The following LAMB2 variants were observed in gnomAD, a reference collection of about 807,000 sequenced individuals.
LAMB2 encodes the protein laminin subunit beta 2.
A neutral mutation model predicts 202.7 loss-of-function variants in LAMB2; 119 were observed. The observed-to-expected ratio is 0.59, with a 90% CI of 0.51 to 0.68. The LOEUF is 0.68. Ranked by LOEUF, LAMB2 falls within the 30% of genes least tolerant of loss-of-function variation. The probability of loss-of-function intolerance (pLI) is 0.00; values close to 1 mark genes in which losing one functional copy is unlikely to be tolerated. For synonymous variants in LAMB2, 818 were observed against 902.2 expected (o/e 0.91, Z 1.67); for missense variants, 2,124 against 2,410.6 (o/e 0.88, Z 2.49).
In LAMB2 at chr3:49,121,137, G is replaced by A; in HGVS notation, c.*89C>T. The A allele has an allele frequency of 6.7e-7, 1 of 1,494,992 alleles. No individual in the cohort carries two copies. Among genetic ancestry groups the A allele is most frequent in the Non-Finnish European group, 9.2e-7 (1 of 1,085,776 alleles). The allele number at this position is 1,494,992 out of a possible 1,614,324, so 92.6% of individuals were successfully genotyped here. ...AGTGGGGGTTCACACTGGTTTATTGGGGGCCCTGCCGGGCCAAGAGCTCTT... is the reference window on the plus strand; with the variant it reads ...AGTGGGGGTTCACACTGGTTTATTGAGGGCCCTGCCGGGCCAAGAGCTCTT... On this transcript the variant is annotated 3_prime_UTR_variant, in exon 32 of 32. Transcript: ENST00000305544.
At position 49,121,422 on chromosome 3, in the gene LAMB2, C is replaced by T. The variant is rs754398949; in HGVS notation, c.5260+11G>A. On this transcript the variant is annotated intron_variant, in intron 31 of 31. Coordinates refer to ENST00000305544, the MANE Select transcript of LAMB2 (RefSeq NM_002292.4). ...CCCGCAGTCTTGTGTCTCTGGTGCC[C>T]CATTTCTTACCCTGTAGCCGCTGCA... is the stretch of plus-strand genomic sequence containing the variant. 17 of 1,614,042 alleles carry T rather than the reference C, an allele frequency of 1.1e-5. No homozygotes were observed. The highest frequency in any genetic ancestry group is 1.4e-5 in the Non-Finnish European group (17 of 1,180,020).
In LAMB2 at chr3:49,130,425, A is replaced by G; in HGVS notation, c.1037-6T>C. 1 of 1,613,912 alleles carries G rather than the reference A, an allele frequency of 6.2e-7. No individual in the cohort carries two copies. Among genetic ancestry groups the G allele is most frequent in the Non-Finnish European group, 8.5e-7 (1 of 1,180,014 alleles). On this transcript the variant is annotated splice_region_variant and splice_polypyrimidine_tract_variant and intron_variant, in intron 8 of 31. Transcript: ENST00000305544. This position sits in a 1 kb window ranked among gnomAD's most constrained non-coding sequence, Gnocchi z 5.0. ...GTGCCCATGGCACTCACACTCTGGC[A>G]GGGGAGGAAGGGCAGGGCAAAGGCC...
At chr3:49,128,967 T>A in intron 13 of LAMB2, 53 bp downstream of exon 13, 1 of 1,603,170 alleles carries the variant, frequency 6.2e-7, no homozygotes. Context: ...ACCTCTCCAG[T>A]CATAGACGTG....
Position 49,132,969 on chromosome 3 carries a change from C to T in LAMB2, c.-102G>A. 2 of 1,032,598 alleles carry T rather than the reference C, an allele frequency of 1.9e-6. No homozygotes were observed. The highest frequency in any genetic ancestry group is 3.0e-6 in the Non-Finnish European group (2 of 664,758). 64.0% of individuals were successfully genotyped at this position (1,032,598 alleles called of 1,614,324 possible). The stretch of plus-strand genomic sequence containing the variant: ...GTCAACTCTGCCTGTGGGTCTTTGG[C>T]CTGTTTCCCTCCAGGCCCTCTGTCA... On this transcript the variant is annotated 5_prime_UTR_variant, in exon 1 of 32. Transcript: ENST00000305544. This position sits in a 1 kb window ranked among gnomAD's most constrained non-coding sequence, Gnocchi z 4.6.
rs112239102 is a variant in LAMB2 at position 49,128,784 on chromosome 3, C to T, written c.1767G>A (p.Gly589=). The T allele has an allele frequency of 6.2e-7, 1 of 1,613,890 alleles. No homozygotes were observed. The highest frequency in any genetic ancestry group is 8.5e-7 in the Non-Finnish European group (1 of 1,179,830). Residue 589 remains glycine, a synonymous_variant, in exon 14 of 32, where the codon GGG becomes GGA. Coordinates refer to ENST00000305544, the MANE Select transcript of LAMB2 (RefSeq NM_002292.4). ...CTGAGCCAGTCCAGGATGGAGTTTC[C>T]CCGGGGGTCACCAGGCGCTCCACCA... ...LDVVERLVTP[G]ETPSWTGSGF...
At chr3:49,125,913 A>G (rs202047617) in intron 17 of LAMB2, 23 bp from the exon 18 acceptor site, 161 of 1,613,966 alleles carry the variant, frequency 1.0e-4, no homozygotes, top group Non-Finnish European at 2.8e-5. Context: ...GGGTTGGGCC[A>G]AGTCAGGCTG....
Position 49,131,327 on chromosome 3 carries a change from T to G in LAMB2, c.712+52A>C. The G allele has an allele frequency of 1.9e-6, 3 of 1,591,172 alleles. No individual in the cohort carries two copies. Among genetic ancestry groups the G allele is most frequent in the Non-Finnish European group, 2.6e-6 (3 of 1,160,334 alleles). ...CCAAAATAGTTACTGAGGCCCCAAA[T>G]AGTCCCTAGCCGGACACGGACTGTG... On this transcript the variant is annotated intron_variant, in intron 6 of 31. Coordinates refer to ENST00000305544, the MANE Select transcript of LAMB2 (RefSeq NM_002292.4). The surrounding 1 kb of genome is among the most constrained non-coding windows in gnomAD (Gnocchi z 5.0).
At position 49,122,723 on chromosome 3, in the gene LAMB2, A is replaced by G; in HGVS notation, c.4554T>C (p.Ser1518=). 2 of 1,613,988 alleles carry G rather than the reference A, an allele frequency of 1.2e-6. No homozygotes were observed. The highest frequency in any genetic ancestry group is 1.1e-5 in the South Asian group (1 of 91,072). Residue 1518 remains serine, a synonymous_variant, in exon 27 of 32, where the codon AGT becomes AGC. Transcript: ENST00000305544. ...ANQELQELIQ[S]VKDFLNQEGA... ...GCTCACGGTTGAGGAAGTCCTTCACACTCTGGATAAGTTCTTGAAGTTCCT... is the reference window on the plus strand; with the variant it reads ...GCTCACGGTTGAGGAAGTCCTTCACGCTCTGGATAAGTTCTTGAAGTTCCT...
chr3:49,128,795 C>T lies in LAMB2; in HGVS notation c.1756G>A (p.Val586Met), dbSNP rs145578530. 6.2e-6 allele frequency: 10 copies of T among 1,613,600 alleles called. No individual in the cohort carries two copies. The East Asian group carries it at 1.8e-4, about 29-fold the overall frequency. ...GQVLDVVERL[V>M]TPGETPSWTG... Reference sequence around the variant, plus strand: ...CAGGATGGAGTTTCCCCGGGGGTCACCAGGCGCTCCACCACATCGAGCACC... The same window carrying T: ...CAGGATGGAGTTTCCCCGGGGGTCATCAGGCGCTCCACCACATCGAGCACC... The change falls in exon 14 of 32, where the codon GTG becomes ATG. Residue 586 changes from valine to methionine, a missense_variant. By Grantham distance (21) the Val-to-Met change is conservative. Coordinates refer to ENST00000305544, the MANE Select transcript of LAMB2 (RefSeq NM_002292.4).
chr3:49,127,247 A>G (rs2045424906), intron 15 of LAMB2, among the ~76,000 whole-genome samples: 2 of 152,148 alleles, frequency 1.3e-5, no homozygotes, highest in African/African-American at 4.8e-5. Context: ...CAGTGTCCCA[A>G]AGTGCTGGGA....
In LAMB2 at chr3:49,131,868, A is replaced by C; in HGVS notation, c.460-145T>G. On this transcript the variant is annotated intron_variant, in intron 4 of 31. Coordinates refer to ENST00000305544, the MANE Select transcript of LAMB2 (RefSeq NM_002292.4). The surrounding 1 kb of genome is among the most constrained non-coding windows in gnomAD (Gnocchi z 5.0). ...GGTGGAAGCCAGATAATGACCAGCA[A>C]AGGTAGCCACCTCTAATGGGGAGAC... 1.0e-6 allele frequency: 1 copy of C among 962,430 alleles called. No individual in the cohort carries two copies. Among genetic ancestry groups the C allele is most frequent in the Non-Finnish European group, 1.6e-6 (1 of 627,858 alleles). 59.6% of individuals were successfully genotyped at this position (962,430 alleles called of 1,614,324 possible).
chr3:49,130,267 G>A lies in LAMB2; in HGVS notation c.1189C>T (p.Pro397Ser). 3.1e-6 allele frequency: 5 copies of A among 1,614,236 alleles called. No individual in the cohort carries two copies. The South Asian group carries it at 5.5e-5, about 18-fold the overall frequency. Residue 397 changes from proline to serine, a missense_variant, in exon 9 of 32, where the codon CCA (proline) becomes TCA (serine). Pro to Ser is a moderately conservative substitution (Grantham distance 74). This residue lies in a region of LAMB2 where 1,702 missense variants were observed against 1,896.3 expected (regional missense o/e 0.90). Transcript: ENST00000305544. The surrounding 1 kb of genome is among the most constrained non-coding windows in gnomAD (Gnocchi z 5.0). ...GCCGGATCCCGCAGGTCCTTGGTTG[G>A]GTCACGGTAGAAGAAGGGCCGACAG... ...ELCRPFFYRD[P>S]TKDLRDPAVC...
chr3:49,124,943 G>C lies in LAMB2; in HGVS notation c.2885-18C>G. ...TCGCAGCCCTGCCCACGGTTAAGAG[G>C]AAGCTGTGAGTGCTCAGCCCAGCCA... On this transcript the variant is annotated intron_variant, in intron 20 of 31. Transcript: ENST00000305544. 1 of 1,613,958 alleles carries C rather than the reference G, an allele frequency of 6.2e-7. No homozygotes were observed. The highest frequency in any genetic ancestry group is 8.5e-7 in the Non-Finnish European group (1 of 1,180,014).
At position 49,131,180 on chromosome 3, in the gene LAMB2, AC is replaced by A. The variant is rs775370053; in HGVS notation, c.713-29del. 1.7e-5 allele frequency: 27 copies of A among 1,606,524 alleles called. No homozygotes were observed. The African/African-American group carries it at 3.5e-4, about 21-fold the overall frequency. Reference sequence around the variant, plus strand: ...GAGGCGGGGGAAGGGGGGCCAACTGACCAGGCAGGCCCTTGCTGCCCCATGT... The same window carrying A: ...GAGGCGGGGGAAGGGGGGCCAACTGACAGGCAGGCCCTTGCTGCCCCATGT... On this transcript the variant is annotated intron_variant, in intron 6 of 31. Coordinates refer to ENST00000305544, the MANE Select transcript of LAMB2 (RefSeq NM_002292.4). The surrounding 1 kb of genome is among the most constrained non-coding windows in gnomAD (Gnocchi z 5.0).
chr3:49,122,793 A>T lies in LAMB2; in HGVS notation c.4484T>A (p.Leu1495Gln), dbSNP rs1275570697. Residue 1495 changes from leucine to glutamine, a missense_variant, in exon 27 of 32, where the codon CTG (leucine) becomes CAG (glutamine). Around this residue, in one of 3 missense-constraint regions of LAMB2, gnomAD observed 1,702 missense variants for 1,896.3 expected, o/e 0.90. Transcript: ENST00000305544. The stretch of plus-strand genomic sequence containing the variant: ...TCCCCTGGAAGCATTAGCCTTGTCC[A>T]GGGCTGCCTGGGCCCGCTGCTGTGC... The part of the protein sequence containing the change: ...SEAQQRAQAA[L>Q]DKANASRGQV... 1.2e-6 allele frequency: 2 copies of T among 1,613,870 alleles called. No homozygotes were observed. Among genetic ancestry groups the T allele is most frequent in the Non-Finnish European group, 1.7e-6 (2 of 1,180,020 alleles).
chr3:49,127,450 C>CTTGGGAAA (rs1369076949), intron 15 of LAMB2, among the ~76,000 whole-genome samples: 3 of 152,186 alleles, frequency 2.0e-5, no homozygotes, highest in African/African-American at 7.2e-5. Context: ...AATCCCAGCA[C>CTTGGGAAA]TTTGGGAGGC....
chr3:49,128,705 G>A lies in LAMB2; in HGVS notation c.1846C>T (p.Pro616Ser). The A allele has an allele frequency of 6.2e-7, 1 of 1,614,168 alleles. No individual in the cohort carries two copies. The stretch of plus-strand genomic sequence containing the variant: ...AGCAGGTCATAGTCCATAGCCTTCG[G>A]CACAGAGGCCACCAGGAACTCCAGG... ...QTLEFLVASV[P>S]KAMDYDLLLR... Residue 616 changes from proline to serine, a missense_variant, in exon 14 of 32, where the codon CCG becomes TCG. Physicochemically the swap from Pro to Ser is moderately conservative, Grantham distance 74. Around this residue, in one of 3 missense-constraint regions of LAMB2, gnomAD observed 1,702 missense variants for 1,896.3 expected, o/e 0.90. Transcript: ENST00000305544.
intron 15 of LAMB2, 27 bp from the exon 16 acceptor site, chr3:49,126,524 T>C (rs2045417427): frequency 1.2e-6 from 2 of 1,613,660 alleles, no homozygotes; most frequent in East Asian, 4.5e-5. Context: ...ACAGGTGCAG[T>C]GGGTCATCTA....
rs551080818 is a variant in LAMB2 at position 49,133,030 on chromosome 3, TAG to T, written c.-165_-164del. ...CTGTCCAGCGGTCCCTCCGACAGCTTAGAGTCCAGCGACTTTGAGCAAAGTTG... is the reference window on the plus strand; with the variant it reads ...CTGTCCAGCGGTCCCTCCGACAGCTTAGTCCAGCGACTTTGAGCAAAGTTG... On this transcript the variant is annotated 5_prime_UTR_variant, in exon 1 of 32. Transcript: ENST00000305544. 93 of 647,482 alleles carry T rather than the reference TAG, an allele frequency of 1.4e-4. 1 individual carries two copies. In the South Asian group the frequency reaches 1.7e-3, roughly 12 times the overall value. 40.1% of individuals were successfully genotyped at this position (647,482 alleles called of 1,614,324 possible). A position where few individuals can be genotyped will look rare whatever the true frequency, so the allele number is the denominator to read the frequency against.
Sources: allele counts gnomAD v4.1 joint callset (sites outside exome capture counted in the v4.1 genomes callset), GRCh38; gene constraint gnomAD v4.1.1; regional missense constraint gnomAD v4.1.1; non-coding constraint Gnocchi (gnomAD v3.1); transcripts MANE v1.5; gene names NCBI Gene and HGNC (gene_info 2026-07-23, HGNC 2026-07-21).